The following SV2B variants were observed in gnomAD, a reference collection of about 807,000 sequenced individuals.
The protein encoded by SV2B is solute carrier family 22 member B2.
A neutral mutation model predicts 73.9 loss-of-function variants in SV2B; 41 were observed. The ratio of observed to expected loss-of-function variants is 0.56; its 90% confidence interval spans 0.43 to 0.72. The LOEUF (loss-of-function observed/expected upper bound fraction) is 0.72. Among genes scored for constraint, SV2B ranks in the 30% least tolerant of loss-of-function variants. SV2B has a pLI of 0.00. For missense variants in SV2B, 764 were observed against 857.8 expected, an observed-to-expected ratio of 0.89 and a Z score of 1.37; for synonymous variants, 314 against 314.2, an observed-to-expected ratio of 1.00 and a Z score of 0.01.
At chr15:91,266,103 A>C (rs1043857054) in intron 6 of SV2B, among the ~76,000 whole-genome samples, 1 of 152,262 alleles carries the variant, frequency 6.6e-6, no homozygotes, top group Non-Finnish European at 1.5e-5. Context: ...AGATCGTGCC[A>C]CTGCACTCCA....
rs2046169343 is a variant in SV2B at position 91,220,219 on chromosome 15, C to T, written c.-391-5654C>T. On this transcript the variant is annotated intron_variant, in intron 1 of 12. Transcript: ENST00000394232. The surrounding 1 kb of genome is among the most constrained non-coding windows in gnomAD (Gnocchi z 4.1). Reference sequence around the variant, plus strand: ...TTCCAAAGGCTATTTTACATGCCCACTGTCAGTTTCTGAGGGTTCCAGTTC... The same window carrying T: ...TTCCAAAGGCTATTTTACATGCCCATTGTCAGTTTCTGAGGGTTCCAGTTC... 1.3e-5 allele frequency among the ~76,000 whole-genome samples: 2 copies of T among 152,340 alleles called. No individual in the cohort carries two copies. Among genetic ancestry groups the T allele is most frequent in the South Asian group, 4.1e-4 (2 of 4,826 alleles).
intron 1 of SV2B, among the ~76,000 whole-genome samples, chr15:91,209,653 G>T (rs1321155254): frequency 6.6e-6 from 1 of 152,154 alleles, no homozygotes; most frequent in Non-Finnish European, 1.5e-5. Flanking sequence ...AGACAGCCAG[G>T]TAGAGACCTG....
rs1743139862 is a variant in SV2B at position 91,241,654 on chromosome 15, C to T, written c.452-10165C>T. On this transcript the variant is annotated intron_variant, in intron 2 of 12. Coordinates refer to ENST00000394232, the MANE Select transcript of SV2B (RefSeq NM_001323032.3). The surrounding 1 kb of genome is among the most constrained non-coding windows in gnomAD (Gnocchi z 4.8). The stretch of plus-strand genomic sequence containing the variant: ...AGCCCCTGTTATCACACCTACCTTC[C>T]TCGCTGCCTCTGTGCTGACCCCGTA... Among the ~76,000 whole-genome samples, 1 of 152,168 alleles carries T rather than the reference C, an allele frequency of 6.6e-6. No homozygotes were observed. The highest frequency in any genetic ancestry group is 2.4e-5 in the African/African-American group (1 of 41,432).
intron 1 of SV2B, among the ~76,000 whole-genome samples, chr15:91,154,623 G>A (rs545581708): frequency 1.1e-4 from 16 of 152,164 alleles, no homozygotes; most frequent in African/African-American, 3.9e-4. Context: ...GTGGATTAGA[G>A]TGGGCCCTAT....
At chr15:91,131,879 C>A (rs2042664174) in intron 1 of SV2B, among the ~76,000 whole-genome samples, 1 of 152,238 alleles carries the variant, frequency 6.6e-6, no homozygotes, top group African/African-American at 2.4e-5. Context: ...ACAAGAATTG[C>A]TTGAACGTGG....
At chr15:91,199,246 G>C (rs895803523) in intron 1 of SV2B, among the ~76,000 whole-genome samples, 11 of 152,268 alleles carry the variant, frequency 7.2e-5, no homozygotes, top group Non-Finnish European at 4.4e-5. Context: ...GGAACATACT[G>C]TTTGACTTTT....
At chr15:91,179,457 T>C (rs1234927076) in intron 1 of SV2B, among the ~76,000 whole-genome samples, 12 of 152,202 alleles carry the variant, frequency 7.9e-5, no homozygotes, top group Non-Finnish European at 4.4e-5. Flanking sequence ...TTGTTGACTT[T>C]CTGTCTCGTT....
intron 5 of SV2B, among the ~76,000 whole-genome samples, chr15:91,260,087 A>C (rs918855102): frequency 5.9e-5 from 9 of 152,138 alleles, no homozygotes; most frequent in African/African-American, 1.7e-4. Flanking sequence ...ACTACCTAAC[A>C]TTTACACCTT....
rs2042854936 is a variant in SV2B at position 91,137,151 on chromosome 15, C to T, written c.-392+36788C>T. Reference sequence around the variant, plus strand: ...AGGTGAGAGGGCCAGGTCACATAACCTCCAAATCCCATGTATTTTTTCATG... The same window carrying T: ...AGGTGAGAGGGCCAGGTCACATAACTTCCAAATCCCATGTATTTTTTCATG... On this transcript the variant is annotated intron_variant, in intron 1 of 12. Coordinates refer to ENST00000394232, the MANE Select transcript of SV2B (RefSeq NM_001323032.3). The surrounding 1 kb of genome is among the most constrained non-coding windows in gnomAD (Gnocchi z 4.9). 6.6e-6 allele frequency among the ~76,000 whole-genome samples: 1 copy of T among 152,162 alleles called. No individual in the cohort carries two copies. Among genetic ancestry groups the T allele is most frequent in the South Asian group, 2.1e-4 (1 of 4,824 alleles).
chr15:91,289,410 T>A lies in SV2B; in HGVS notation c.1709-111T>A. 1.4e-6 allele frequency: 2 copies of A among 1,394,564 alleles called. No homozygotes were observed. Among genetic ancestry groups the A allele is most frequent in the Non-Finnish European group, 2.0e-6 (2 of 987,798 alleles). The allele number at this position is 1,394,564 out of a possible 1,614,324, so 86.4% of individuals were successfully genotyped here. Reference sequence around the variant, plus strand: ...GGTGAACCTAATACTTCAGGCAGCCTTGGCTTCAGGTGTACCAGTGAGGGT... The same window carrying A: ...GGTGAACCTAATACTTCAGGCAGCCATGGCTTCAGGTGTACCAGTGAGGGT... On this transcript the variant is annotated intron_variant, in intron 11 of 12. Transcript: ENST00000394232. The surrounding 1 kb of genome is among the most constrained non-coding windows in gnomAD (Gnocchi z 4.9).
At chr15:91,291,812 A>G (rs1394191648) in intron 12 of SV2B, among the ~76,000 whole-genome samples, 2 of 152,232 alleles carry the variant, frequency 1.3e-5, no homozygotes, top group African/African-American at 2.4e-5. Context: ...CCCACCCGCA[A>G]CGTCTCTTAC....
At chr15:91,163,754 G>A (rs917220387) in intron 1 of SV2B, among the ~76,000 whole-genome samples, 35 of 152,180 alleles carry the variant, frequency 2.3e-4, no homozygotes, top group Admixed American at 1.6e-3. Flanking sequence ...CTGTGCAGAA[G>A]CTCTTTAGTT....
intron 10 of SV2B, among the ~76,000 whole-genome samples, chr15:91,282,281 C>T (rs1473979660): frequency 6.6e-6 from 1 of 152,182 alleles, no homozygotes; most frequent in East Asian, 1.9e-4. Flanking sequence ...CTCATGTTCT[C>T]ACAATAATAA....
chr15:91,108,326 T>C (rs1015353779), intron 1 of SV2B, among the ~76,000 whole-genome samples: 1 of 152,156 alleles, frequency 6.6e-6, no homozygotes, highest in East Asian at 1.9e-4. Flanking sequence ...TAAGCCAATC[T>C]CCTTAGTTCA....
intron 1 of SV2B, among the ~76,000 whole-genome samples, chr15:91,150,178 A>G (rs2043271493): frequency 6.6e-6 from 1 of 151,308 alleles, no homozygotes; most frequent in South Asian, 2.1e-4. Context: ...AATTTTTTGT[A>G]TTTTTTTTAG....
In SV2B at chr15:91,106,476, T is replaced by C. The variant is rs1281606264; in HGVS notation, c.-392+6113T>C. Among the ~76,000 whole-genome samples the C allele has an allele frequency of 6.6e-6, 1 of 152,160 alleles. No individual in the cohort carries two copies. The highest frequency in any genetic ancestry group is 2.4e-5 in the African/African-American group (1 of 41,430). ...TAGAGTTGACTGCAAATCTTTGCTT[T>C]GGTGGATTTTGAAGTGTAACTCCTT... On this transcript the variant is annotated intron_variant, in intron 1 of 12. Transcript: ENST00000394232. The surrounding 1 kb of genome is among the most constrained non-coding windows in gnomAD (Gnocchi z 4.4).
At position 91,245,203 on chromosome 15, in the gene SV2B, G is replaced by A. The variant is rs766603632; in HGVS notation, c.452-6616G>A. On this transcript the variant is annotated intron_variant, in intron 2 of 12. Transcript: ENST00000394232. The surrounding 1 kb of genome is among the most constrained non-coding windows in gnomAD (Gnocchi z 4.2). ...CTGATATCTGCCAGCTCTCTAGAAG[G>A]ATATTTGGCATTGTGTCTCAAGAGC... is the stretch of plus-strand genomic sequence containing the variant. Among the ~76,000 whole-genome samples, 7 of 152,142 alleles carry A rather than the reference G, an allele frequency of 4.6e-5. No homozygotes were observed. The highest frequency in any genetic ancestry group is 8.8e-5 in the Non-Finnish European group (6 of 68,028).
At chr15:91,179,259 A>T (rs1192791700) in intron 1 of SV2B, among the ~76,000 whole-genome samples, 1 of 152,016 alleles carries the variant, frequency 6.6e-6, no homozygotes, top group Non-Finnish European at 1.5e-5. Flanking sequence ...TCTGAGAGAC[A>T]GTTTGTTATA....
At chr15:91,107,941 T>C (rs545031397) in intron 1 of SV2B, among the ~76,000 whole-genome samples, 1 of 152,248 alleles carries the variant, frequency 6.6e-6, no homozygotes, top group Non-Finnish European at 1.5e-5. Flanking sequence ...TGTGTAAACT[T>C]GAGCACATTA....
Sources: allele counts gnomAD v4.1 joint callset (sites outside exome capture counted in the v4.1 genomes callset), GRCh38; gene constraint gnomAD v4.1.1; non-coding constraint Gnocchi (gnomAD v3.1); transcripts MANE v1.5; gene names NCBI Gene and HGNC (gene_info 2026-07-23, HGNC 2026-07-21).